Variants in KLRG1 observed in about 807,000 individuals in gnomAD.
The protein encoded by KLRG1 is killer cell lectin like receptor G1.
KLRG1 carries 16 observed loss-of-function variants against 21.8 expected under a neutral mutation model. That is an observed-to-expected ratio of 0.73 (90% CI 0.50 to 1.11). The LOEUF is 1.11. Among genes scored for constraint, KLRG1 ranks in the 50% most tolerant of loss-of-function variants. KLRG1 has a pLI of 0.00. For synonymous variants in KLRG1, 69 were observed against 75.9 expected (o/e 0.91, Z 0.47); for missense variants, 173 against 218.3 (o/e 0.79, Z 1.31).
At chr12:9,068,744 C>T in the KLRG1 span, 3 of 1,598,170 alleles carry the variant, frequency 1.9e-6, no homozygotes, top group Admixed American at 5.2e-5. Flanking sequence ...ACTCACCCGT[C>T]TCGTAGTAAT....
chr12:9,213,716 C>CAT, the KLRG1 span, among the ~76,000 whole-genome samples: 1 of 151,980 alleles, frequency 6.6e-6, no homozygotes. Flanking sequence ...GAGTTCTTTA[C>CAT]ATATTTTGGA....
At chr12:8,996,418 A>G (rs766703564) in intron 3 of KLRG1, 5 of 152,148 alleles carry the variant, frequency 3.3e-5, no homozygotes, top group African/African-American at 9.7e-5. Context: ...GTGTTTTGCT[A>G]TTGTTTTCTG....
At chr12:9,062,472 T>G in the KLRG1 span, among the ~76,000 whole-genome samples, 1 of 145,834 alleles carries the variant, frequency 6.9e-6, no homozygotes, top group East Asian at 2.1e-4. Context: ...GGATAATATA[T>G]CTGATATATT....
chr12:8,969,749 T>C (rs1946537142), intron 1 of KLRG1, among the ~76,000 whole-genome samples: 1 of 152,082 alleles, frequency 6.6e-6, no homozygotes, highest in East Asian at 1.9e-4. Context: ...ACAAAATGAC[T>C]AGAGGAAAGG....
chr12:9,093,863 G>A, the KLRG1 span, among the ~76,000 whole-genome samples: 51 of 149,748 alleles, frequency 3.4e-4, no homozygotes, highest in Non-Finnish European at 5.3e-4. Context: ...CAGCCTGGGC[G>A]ACCTGAGCGA....
chr12:9,035,539 T>C, the KLRG1 span, among the ~76,000 whole-genome samples: 2 of 150,412 alleles, frequency 1.3e-5, no homozygotes, highest in African/African-American at 4.9e-5. Flanking sequence ...ATGGCACATG[T>C]ATACCTATGT....
chr12:9,047,584 T>C, the KLRG1 span, among the ~76,000 whole-genome samples: 1 of 152,150 alleles, frequency 6.6e-6, no homozygotes, highest in African/African-American at 2.4e-5. Context: ...ATGTGAATAG[T>C]CTAAATACAT....
At chr12:8,996,459 G>C (rs1345620157) in intron 3 of KLRG1, 2 of 152,182 alleles carry the variant, frequency 1.3e-5, no homozygotes, top group Non-Finnish European at 2.9e-5. Flanking sequence ...TCTAGTCACA[G>C]AGAACAATTT....
At chr12:9,129,154 G>T in the KLRG1 span, among the ~76,000 whole-genome samples, 1 of 152,000 alleles carries the variant, frequency 6.6e-6, no homozygotes, top group African/African-American at 2.4e-5. Context: ...CATATCCTAG[G>T]CACTTAATAA....
the KLRG1 span, among the ~76,000 whole-genome samples, chr12:9,141,837 C>G: frequency 2.1e-3 from 325 of 152,286 alleles, no homozygotes; most frequent in Non-Finnish European, 3.2e-3. Context: ...AGGACCCAGA[C>G]AGAAGTTCAG....
At chr12:9,033,013 A>G in the KLRG1 span, among the ~76,000 whole-genome samples, 1 of 151,964 alleles carries the variant, frequency 6.6e-6, no homozygotes, top group Non-Finnish European at 1.5e-5. Flanking sequence ...GCCTCCTGTC[A>G]ATCAAACTCT....
the KLRG1 span, chr12:9,112,252 T>C: frequency 6.2e-7 from 1 of 1,612,508 alleles, no homozygotes. Context: ...AAACCCAAAG[T>C]AGGCCTGTAG....
At chr12:8,977,389 T>A (rs1223664114) in intron 1 of KLRG1, among the ~76,000 whole-genome samples, 5 of 141,200 alleles carry the variant, frequency 3.5e-5, no homozygotes, top group African/African-American at 1.3e-4. Context: ...TTTTTTTTTT[T>A]ATTTGTAGTA....
the KLRG1 span, among the ~76,000 whole-genome samples, chr12:9,098,007 G>A: frequency 5.3e-4 from 80 of 152,288 alleles, no homozygotes; most frequent in African/African-American, 1.9e-3. Context: ...TATCACTTTT[G>A]TTAGGCTTTT....
chr12:9,169,188 A>G, the KLRG1 span, among the ~76,000 whole-genome samples: 4 of 151,790 alleles, frequency 2.6e-5, no homozygotes, highest in Non-Finnish European at 4.4e-5. Flanking sequence ...AAATAAAAAA[A>G]CCTAAATATA....
At chr12:9,028,799 G>C in the KLRG1 span, 5,720 of 617,260 alleles carry the variant, frequency 9.3e-3, 247 homozygotes, top group African/African-American at 0.093. Flanking sequence ...GTGGGCACCT[G>C]GTCTTTGAGA....
the KLRG1 span, among the ~76,000 whole-genome samples, chr12:9,199,890 G>T: frequency 9.2e-5 from 14 of 152,218 alleles, no homozygotes; most frequent in Admixed American, 7.2e-4. Context: ...AAAAGAAAAG[G>T]TACTTAGGAG....
the KLRG1 span, among the ~76,000 whole-genome samples, chr12:9,033,176 T>A: frequency 6.6e-6 from 1 of 152,110 alleles, no homozygotes. Flanking sequence ...GTGGCTTACA[T>A]TTGTAACCAC....
At chr12:9,200,543 A>G in the KLRG1 span, 14 of 952,890 alleles carry the variant, frequency 1.5e-5, no homozygotes, top group African/African-American at 2.3e-4. Context: ...CCAAAATAAC[A>G]CTCTGAATGT....
Sources: allele counts gnomAD v4.1 joint callset (sites outside exome capture counted in the v4.1 genomes callset), GRCh38; gene constraint gnomAD v4.1.1; transcripts MANE v1.5; gene names NCBI Gene and HGNC (gene_info 2026-07-23, HGNC 2026-07-21).